The following CTBP2 variants were observed in gnomAD, a reference collection of about 807,000 sequenced individuals.
CTBP2 encodes C-terminal-binding protein 2.
CTBP2 carries 30 observed loss-of-function variants against 80.3 expected under a neutral mutation model. The observed-to-expected ratio is 0.37, with a 90% CI of 0.28 to 0.51. CTBP2 has a LOEUF of 0.51. CTBP2 is among the 20% of genes least tolerant of loss of function. The pLI, the probability that CTBP2 is intolerant of heterozygous loss-of-function variation, is 0.93. For missense variants in CTBP2, 1,212 were observed against 1,375.3 expected (o/e 0.88, Z 1.88); for synonymous variants, 594 against 587.4 (o/e 1.01, Z -0.16).
At chr10:125,041,504 A>ACCCCCCCCCCC (rs10559259) in intron 2 of CTBP2, among the ~76,000 whole-genome samples, 6 of 91,132 alleles carry the variant, frequency 6.6e-5, no homozygotes, top group Non-Finnish European at 9.4e-5. Context: ...GTCCATCCCC[A>ACCCCCCCCCCC]CCCCCCCCCC....
intron 2 of CTBP2, among the ~76,000 whole-genome samples, chr10:125,061,980 C>T (rs1042013493): frequency 6.6e-6 from 1 of 152,228 alleles, no homozygotes; most frequent in Admixed American, 6.5e-5. Flanking sequence ...AAAGACACAG[C>T]TGGGGTGGAG....
At chr10:125,133,566 G>A (rs571939247) in intron 1 of CTBP2, 1 of 152,280 alleles carries the variant, frequency 6.6e-6, no homozygotes, top group East Asian at 1.9e-4. Context: ...CACCTCTTCG[G>A]AGGGTGTCTG....
Position 125,026,557 on chromosome 10 carries a change from G to A in CTBP2, c.1203C>T (p.Asp401=). The A allele has an allele frequency of 1.3e-6, 2 of 1,558,304 alleles. No homozygotes were observed. Among genetic ancestry groups the A allele is most frequent in the African/African-American group, 1.4e-5 (1 of 71,320 alleles). Residue 401 remains aspartate, a synonymous_variant, in exon 1 of 9, where the codon GAC becomes GAT. Transcript: ENST00000309035. The stretch of plus-strand genomic sequence containing the variant: ...GTGCGCTGGAGGGACGGCGAGCCGG[G>A]TCTCCAGCTCGGGGGGATGCTGTCT...
chr10:125,127,378 C>A (rs1307035190), intron 1 of CTBP2, among the ~76,000 whole-genome samples: 2 of 152,206 alleles, frequency 1.3e-5, no homozygotes, highest in African/African-American at 4.8e-5. Context: ...ATCTGAGAGG[C>A]TGGCAGGTCA....
intron 2 of CTBP2, among the ~76,000 whole-genome samples, chr10:125,094,488 C>A (rs1260474464): frequency 6.6e-6 from 1 of 152,224 alleles, no homozygotes; most frequent in Non-Finnish European, 1.5e-5. Context: ...GGACGCTCCA[C>A]CTCTGACAAC....
rs1279262371 is a variant in CTBP2 at position 125,027,145 on chromosome 10, G to T, written c.615C>A (p.Tyr205Ter). The T allele has an allele frequency of 3.1e-6, 5 of 1,604,278 alleles. No individual in the cohort carries two copies. The highest frequency in any genetic ancestry group is 3.4e-6 in the Non-Finnish European group (4 of 1,173,142). Residue 205 changes from tyrosine to a stop codon, truncating the protein, a stop_gained, in exon 1 of 9, where the codon TAC becomes TAA. Coordinates refer to ENST00000309035, the MANE Select transcript of CTBP2 (RefSeq NM_022802.3). LOFTEE classifies it high-confidence loss of function. ...TGTCGCTGAAGACCTGGCTGAGGGG[G>T]TAGGCAGGCACCTCCGCCCCATACC...
chr10:125,148,155 G>T (rs142082835), intron 1 of CTBP2, among the ~76,000 whole-genome samples: 1 of 152,128 alleles, frequency 6.6e-6, no homozygotes, highest in African/African-American at 2.4e-5. Context: ...TCCTTGGGCC[G>T]AGCCTCAGTG....
intron 2 of CTBP2, among the ~76,000 whole-genome samples, chr10:125,074,266 C>T (rs1049543298): frequency 1.3e-5 from 2 of 152,228 alleles, no homozygotes; most frequent in African/African-American, 4.8e-5. Flanking sequence ...CAAGGATCCC[C>T]TGCAGACAAT....
chr10:125,115,284 CGCT>C (rs976783301), intron 1 of CTBP2, among the ~76,000 whole-genome samples: 2 of 152,152 alleles, frequency 1.3e-5, no homozygotes, highest in Non-Finnish European at 2.9e-5. Context: ...CACCACTGTG[CGCT>C]GTGTTCCTCA....
rs754549776 is a variant in CTBP2 at position 125,026,179 on chromosome 10, G to A, written c.1581C>T (p.Ala527=). The change falls in exon 1 of 9, where the codon GCC becomes GCT. Residue 527 remains alanine, a synonymous_variant. Coordinates refer to ENST00000309035, the MANE Select transcript of CTBP2 (RefSeq NM_022802.3). ...AGTGAGGCGTGTGGAGGCTCTGGCT[G>A]GCCGGCGGCAGGGTGGATGGCCCCA... 6.2e-7 allele frequency: 1 copy of A among 1,611,944 alleles called. No individual in the cohort carries two copies. Among genetic ancestry groups the A allele is most frequent in the Non-Finnish European group, 8.5e-7 (1 of 1,178,618 alleles).
chr10:125,082,092 A>T (rs776764615), intron 2 of CTBP2, among the ~76,000 whole-genome samples: 1 of 151,976 alleles, frequency 6.6e-6, no homozygotes, highest in Non-Finnish European at 1.5e-5. Flanking sequence ...GCAAGGGAAC[A>T]GACCTGAAAG....
rs569284564 is a variant in CTBP2, at chr10:124,989,763, C to T, written c.2778-65G>A. 2,399 of 1,442,700 alleles carry T rather than the reference C, an allele frequency of 1.7e-3. 1 individual carries two copies. The highest frequency in any genetic ancestry group is 2.1e-3 in the Non-Finnish European group (2,240 of 1,081,794). 89.4% of individuals were successfully genotyped at this position (1,442,700 alleles called of 1,614,324 possible). On this transcript the variant is annotated intron_variant, in intron 8 of 8. Coordinates refer to ENST00000309035, the MANE Select transcript of CTBP2 (RefSeq NM_022802.3). ...CAGAGTTGCCAAGCTCTTGGCTCTTCTACTTCTGGCCTTTTCATAAGAGAC... is the reference window on the plus strand; with the variant it reads ...CAGAGTTGCCAAGCTCTTGGCTCTTTTACTTCTGGCCTTTTCATAAGAGAC...
chr10:125,079,220 T>C (rs1590615002), intron 2 of CTBP2, among the ~76,000 whole-genome samples: 1 of 150,186 alleles, frequency 6.7e-6, no homozygotes. Context: ...TTCGGGAGCC[T>C]GCCCGGGATA....
chr10:125,058,263 C>T (rs1431831182), intron 2 of CTBP2, among the ~76,000 whole-genome samples: 3 of 152,062 alleles, frequency 2.0e-5, no homozygotes, highest in Non-Finnish European at 4.4e-5. Context: ...AATACAGGCA[C>T]CAGAAAACTC....
chr10:125,108,238 G>A (rs76068522), intron 2 of CTBP2, among the ~76,000 whole-genome samples: 796 of 152,302 alleles, frequency 5.2e-3, no homozygotes, highest in Non-Finnish European at 9.7e-3. Flanking sequence ...AGTGTTTGAC[G>A]TCAAGTTACT....
At chr10:125,093,619 A>T (rs1215084521) in intron 2 of CTBP2, among the ~76,000 whole-genome samples, 1 of 152,054 alleles carries the variant, frequency 6.6e-6, no homozygotes, top group East Asian at 1.9e-4. Flanking sequence ...CCTTCTTTCG[A>T]CACAGCTGGG....
At chr10:125,029,146 C>T (rs761771505), upstream of CTBP2, among the ~76,000 whole-genome samples, 2 of 152,130 alleles carry the variant, frequency 1.3e-5, no homozygotes, top group East Asian at 1.9e-4. Context: ...GCATTAAACC[C>T]GAGTGCTGTT....
At chr10:125,099,518 C>T (rs1415826856) in intron 2 of CTBP2, among the ~76,000 whole-genome samples, 1 of 152,218 alleles carries the variant, frequency 6.6e-6, no homozygotes, top group Non-Finnish European at 1.5e-5. Flanking sequence ...TCCTGAACTC[C>T]AACTGGAGCC....
chr10:125,012,163 G>A (rs1378315522), intron 1 of CTBP2, among the ~76,000 whole-genome samples: 1 of 152,228 alleles, frequency 6.6e-6, no homozygotes, highest in East Asian at 1.9e-4. Flanking sequence ...GGTGAGACGC[G>A]CTACGTGTGC....
Sources: allele counts gnomAD v4.1 joint callset (sites outside exome capture counted in the v4.1 genomes callset), GRCh38; gene constraint gnomAD v4.1.1; transcripts MANE v1.5; gene names NCBI Gene and HGNC (gene_info 2026-07-23, HGNC 2026-07-21).